Variants in LIN7A observed in about 807,000 individuals in gnomAD.
LIN7A encodes protein lin-7 homolog A.
In LIN7A, 25 loss-of-function variants were observed where a neutral mutation model predicts 29.8. The observed-to-expected ratio is 0.84, with a 90% CI of 0.61 to 1.17. The LOEUF (loss-of-function observed/expected upper bound fraction) is 1.17. Ranked by LOEUF, LIN7A falls within the 50% of genes most tolerant of loss-of-function variation. LIN7A has a pLI of 0.00. For synonymous variants in LIN7A, 118 were observed against 107.5 expected, an observed-to-expected ratio of 1.10 and a Z score of -0.60; for missense variants, 239 against 287.0, an observed-to-expected ratio of 0.83 and a Z score of 1.21.
At chr12:80,913,998 C>G (rs1876904133) in intron 1 of LIN7A, among the ~76,000 whole-genome samples, 1 of 152,202 alleles carries the variant, frequency 6.6e-6, no homozygotes, top group African/African-American at 2.4e-5. Flanking sequence ...CATCTTAAAG[C>G]TCATTAAGTG....
intron 1 of LIN7A, 188 bp downstream of exon 1, chr12:80,937,453 C>T: frequency 2.4e-6 from 1 of 412,334 alleles, no homozygotes; most frequent in Non-Finnish European, 4.2e-6. Flanking sequence ...GAAGGGGCAG[C>T]GGGAACGTAG....
At position 80,904,784 on chromosome 12, in the gene LIN7A, C is replaced by A. The variant is rs561818925; in HGVS notation, c.83-15415G>T. 2.6e-5 allele frequency among the ~76,000 whole-genome samples: 4 copies of A among 152,026 alleles called. No homozygotes were observed. The East Asian group carries it at 7.7e-4, about 29-fold the overall frequency. ...TAATGAGATGTCTTGGGGGTGGAACCCAATTTTAATCATAAATTTTTTTAT... is the reference window on the plus strand; with the variant it reads ...TAATGAGATGTCTTGGGGGTGGAACACAATTTTAATCATAAATTTTTTTAT... On this transcript the variant is annotated intron_variant, in intron 1 of 5. Coordinates refer to ENST00000552864, the MANE Select transcript of LIN7A (RefSeq NM_004664.4).
rs184939901 is a variant in LIN7A, at chr12:80,919,486, A to C, written c.82+18155T>G. Among the ~76,000 whole-genome samples, 20 of 152,332 alleles carry C rather than the reference A, an allele frequency of 1.3e-4. No homozygotes were observed. The East Asian group carries it at 3.9e-3, about 29-fold the overall frequency. The stretch of plus-strand genomic sequence containing the variant: ...AGCAGGGATGAGTATATAACCTTTG[A>C]GAGTGGCAAGCACTCACTGATTTTT... On this transcript the variant is annotated intron_variant, in intron 1 of 5. Coordinates refer to ENST00000552864, the MANE Select transcript of LIN7A (RefSeq NM_004664.4).
intron 2 of LIN7A, among the ~76,000 whole-genome samples, chr12:80,878,528 T>C (rs181650745): frequency 1.0e-3 from 154 of 152,226 alleles, no homozygotes; most frequent in African/African-American, 3.5e-3. Flanking sequence ...CTCTTAAAGG[T>C]GGCACAGACC....
At position 80,842,078 on chromosome 12, in the gene LIN7A, A is replaced by T. The variant is rs1872848448; in HGVS notation, c.483+3652T>A. 7 of 1,286,908 alleles carry T rather than the reference A, an allele frequency of 5.4e-6. No homozygotes were observed. In the South Asian group the frequency reaches 8.7e-5, roughly 16 times the overall value. 79.7% of individuals were successfully genotyped at this position (1,286,908 alleles called of 1,614,324 possible). A position where few individuals can be genotyped will look rare whatever the true frequency, so the allele number is the denominator to read the frequency against. The stretch of plus-strand genomic sequence containing the variant: ...AGGGATAGAAAAAATTTTCTCTCCC[A>T]ATGATTGCTGAGCTGACATGAGTTT... On this transcript the variant is annotated intron_variant, in intron 4 of 5. Coordinates refer to ENST00000552864, the MANE Select transcript of LIN7A (RefSeq NM_004664.4).
In LIN7A at chr12:80,794,388, C is replaced by T. The variant is rs1870350092; in HGVS notation, c.*3339G>A. On this transcript the variant is annotated 3_prime_UTR_variant, in exon 6 of 6. Transcript: ENST00000552864. Reference sequence around the variant, plus strand: ...GCATTGAGTTCTAAGTTGTCTAAAGCTGGTCTTATGAACAGGCTGTGTCTG... The same window carrying T: ...GCATTGAGTTCTAAGTTGTCTAAAGTTGGTCTTATGAACAGGCTGTGTCTG... The T allele has an allele frequency of 6.6e-6, 1 of 152,108 alleles. No individual in the cohort carries two copies. The highest frequency in any genetic ancestry group is 2.4e-5 in the African/African-American group (1 of 41,432). 9.4% of individuals were successfully genotyped at this position (152,108 alleles called of 1,614,324 possible). A position where few individuals can be genotyped will look rare whatever the true frequency, so the allele number is the denominator to read the frequency against.
intron 4 of LIN7A, among the ~76,000 whole-genome samples, chr12:80,828,951 AT>A (rs1872215176): frequency 1.3e-5 from 2 of 152,110 alleles, no homozygotes; most frequent in African/African-American, 2.4e-5. Context: ...AAAAAATCTG[AT>A]TTTAGTCTTT....
At position 80,829,717 on chromosome 12, in the gene LIN7A, T is replaced by C. The variant is rs116912908; in HGVS notation, c.483+16013A>G. 9.2e-3 allele frequency among the ~76,000 whole-genome samples: 1,395 copies of C among 152,282 alleles called. 20 individuals are homozygous for C. Among genetic ancestry groups the C allele is most frequent in the Admixed American group, 0.031 (473 of 15,278 alleles). On this transcript the variant is annotated intron_variant, in intron 4 of 5. Transcript: ENST00000552864. ...ATGAAATGAGTTGGCTTTGTCTTTC[T>C]TCTTTGGTACAATTACTGTTGATCT...
intron 1 of LIN7A, among the ~76,000 whole-genome samples, chr12:80,901,787 C>G (rs922352823): frequency 1.3e-5 from 2 of 152,080 alleles, no homozygotes; most frequent in Non-Finnish European, 2.9e-5. Flanking sequence ...TGCTGTAAAG[C>G]TCCTTAATAA....
chr12:80,904,406 A>AT (rs1391847103), intron 1 of LIN7A, among the ~76,000 whole-genome samples: 2 of 152,068 alleles, frequency 1.3e-5, no homozygotes, highest in Non-Finnish European at 2.9e-5. Context: ...TCTTAAACTT[A>AT]TTTTTTCTAT....
intron 2 of LIN7A, among the ~76,000 whole-genome samples, chr12:80,864,206 A>G (rs1874022384): frequency 6.6e-6 from 1 of 152,156 alleles, no homozygotes; most frequent in Admixed American, 6.5e-5. Context: ...AAGGCTTAAG[A>G]TGACATGGCA....
chr12:80,919,751 C>A (rs757964844), intron 1 of LIN7A, among the ~76,000 whole-genome samples: 11 of 152,178 alleles, frequency 7.2e-5, no homozygotes, highest in Non-Finnish European at 1.2e-4. Context: ...CAAGACTCTC[C>A]ATAGACAGAA....
intron 1 of LIN7A, among the ~76,000 whole-genome samples, chr12:80,918,034 C>T (rs12228291): frequency 0.1 from 15,212 of 151,922 alleles, 822 homozygotes; most frequent in East Asian, 0.13. Context: ...TTCTTTCTTT[C>T]ATTGTTTTTC....
At chr12:80,935,883 C>T (rs538871190) in intron 1 of LIN7A, 5 of 419,854 alleles carry the variant, frequency 1.2e-5, no homozygotes, top group East Asian at 5.9e-5. Flanking sequence ...TCTCATCAAC[C>T]GACTGAGGCA....
At chr12:80,840,758 A>G (rs1237708911) in intron 4 of LIN7A, among the ~76,000 whole-genome samples, 1 of 152,180 alleles carries the variant, frequency 6.6e-6, no homozygotes, top group Admixed American at 6.5e-5. Flanking sequence ...TGGTACTCTC[A>G]GCAGAATCCC....
chr12:80,807,064 T>TTTTTTTTTG (rs1592848175), intron 5 of LIN7A, among the ~76,000 whole-genome samples: 13 of 37,398 alleles, frequency 3.5e-4, no homozygotes, highest in East Asian at 2.8e-3. Flanking sequence ...GAAGATGGAG[T>TTTTTTTTTG]TTTTTTTTTT....
At chr12:80,837,953 A>C (rs1257102266) in intron 4 of LIN7A, among the ~76,000 whole-genome samples, 1 of 152,116 alleles carries the variant, frequency 6.6e-6, no homozygotes, top group African/African-American at 2.4e-5. Context: ...GCTGGCACAT[A>C]ATAATTTCTC....
intron 2 of LIN7A, 77 bp downstream of exon 2, chr12:80,889,174 T>C: frequency 1.2e-6 from 1 of 805,530 alleles, no homozygotes; most frequent in Non-Finnish European, 2.2e-6. Context: ...CAATTTCAAC[T>C]GTTTGTGTAG....
intron 2 of LIN7A, among the ~76,000 whole-genome samples, chr12:80,865,936 G>A (rs770381828): frequency 6.6e-6 from 1 of 152,122 alleles, no homozygotes; most frequent in African/African-American, 2.4e-5. Context: ...TTCTTAGTTA[G>A]TTTCCTAAAT....
Sources: allele counts gnomAD v4.1 joint callset (sites outside exome capture counted in the v4.1 genomes callset), GRCh38; gene constraint gnomAD v4.1.1; transcripts MANE v1.5; gene names NCBI Gene and HGNC (gene_info 2026-07-23, HGNC 2026-07-21).